Variants in GRIA3 observed in about 807,000 individuals in gnomAD.
GRIA3 encodes glutamate ionotropic receptor AMPA type subunit 3, also known as glutamate receptor 3.
In GRIA3, 3 loss-of-function variants were observed where a neutral mutation model predicts 63.0. The observed-to-expected ratio is 0.05, with a 90% CI of 0.02 to 0.12. The LOEUF is 0.12. GRIA3 is among the 10% of genes least tolerant of loss of function. GRIA3 has a pLI of 1.00. For missense variants in GRIA3, 347 were observed against 700.9 expected (o/e 0.50, Z 5.70); for synonymous variants, 274 against 257.9 (o/e 1.06, Z -0.60).
rs766480191 is a variant in GRIA3 at position 123,444,412 on chromosome X, AGCACAACCCTAAT to A, written c.2076+16281_2076+16293del. Among the ~76,000 whole-genome samples the A allele has an allele frequency of 2.7e-3, 302 of 112,430 alleles. 2 individuals carry two copies. Among genetic ancestry groups the A allele is most frequent in the African/African-American group, 9.4e-3 (292 of 30,984 alleles). On this transcript the variant is annotated intron_variant, in intron 12 of 15. Coordinates refer to ENST00000620443, the MANE Select transcript of GRIA3 (RefSeq NM_007325.5). ...AGGAAATTCCTGCCCTGTAGCCAGAAGCACAACCCTAATGCACAACTCCTTATTCCTTACTCCC... is the reference window on the plus strand; with the variant it reads ...AGGAAATTCCTGCCCTGTAGCCAGAAGCACAACTCCTTATTCCTTACTCCC...
chrX:123,480,284 A>G, intron 14 of GRIA3, 107 bp downstream of exon 14: 2 of 531,031 alleles, frequency 3.8e-6, no homozygotes, highest in Non-Finnish European at 6.8e-6. Flanking sequence ...TCCCTGACAC[A>G]GTGGGACCCC....
At chrX:123,464,784 T>TAAA in intron 12 of GRIA3, 81 bp from the exon 13 acceptor site, 9 of 761,636 alleles carry the variant, frequency 1.2e-5, no homozygotes, top group South Asian at 5.2e-5. Context: ...GGATTGCAAT[T>TAAA]AAAAAAAAAA....
At chrX:123,448,600 T>G (rs1032944942) in intron 12 of GRIA3, among the ~76,000 whole-genome samples, 12 of 112,319 alleles carry the variant, frequency 1.1e-4, no homozygotes, top group Non-Finnish European at 2.3e-4. Context: ...GTGTAACTAT[T>G]TAAATTGAAA....
chrX:123,448,108 T>C (rs1331740111), intron 12 of GRIA3, among the ~76,000 whole-genome samples: 1 of 112,473 alleles, frequency 8.9e-6, no homozygotes, highest in Non-Finnish European at 1.9e-5. Context: ...ATCTGCTCTT[T>C]TTGAAATAAA....
chrX:123,298,871 T>C (rs1307351726), intron 3 of GRIA3, among the ~76,000 whole-genome samples: 3 of 111,522 alleles, frequency 2.7e-5, no homozygotes, highest in Admixed American at 9.6e-5. Context: ...TTGGGTTTTA[T>C]ATTTAAGTCT....
chrX:123,441,052 A>C (rs2045671343), intron 12 of GRIA3, among the ~76,000 whole-genome samples: 1 of 112,215 alleles, frequency 8.9e-6, no homozygotes, highest in African/African-American at 3.2e-5. Flanking sequence ...CAGTATGCAG[A>C]AAATAAAGAA....
intron 2 of GRIA3, among the ~76,000 whole-genome samples, chrX:123,242,905 A>T (rs1200344079): frequency 2.7e-5 from 3 of 112,518 alleles, no homozygotes; most frequent in African/African-American, 9.7e-5. Context: ...TAATATAAAT[A>T]ACATATATCA....
intron 5 of GRIA3, among the ~76,000 whole-genome samples, chrX:123,388,878 T>A (rs187907968): frequency 2.9e-4 from 33 of 112,075 alleles, no homozygotes; most frequent in Non-Finnish European, 5.6e-5. Context: ...CCTCTTAACA[T>A]TGCTTTTTCT....
At chrX:123,226,918 C>A (rs1481541970) in intron 2 of GRIA3, among the ~76,000 whole-genome samples, 1 of 71,329 alleles carries the variant, frequency 1.4e-5, no homozygotes, top group Non-Finnish European at 3.0e-5. Context: ...CTCTCCCTGA[C>A]CCCCTCCAAT....
intron 11 of GRIA3, among the ~76,000 whole-genome samples, chrX:123,420,848 C>T (rs188686220): frequency 0.017 from 1,875 of 110,968 alleles, 24 homozygotes; most frequent in Non-Finnish European, 0.029. Context: ...ATATCAAATG[C>T]TTTTTTTCAA....
chrX:123,224,562 T>C (rs1295682494), intron 2 of GRIA3, among the ~76,000 whole-genome samples: 1 of 111,579 alleles, frequency 9.0e-6, no homozygotes, highest in Non-Finnish European at 1.9e-5. Flanking sequence ...ATTTCCACTC[T>C]GTTTAAAAAC....
chrX:123,463,611 G>GAAGGAAAGAAA (rs2045809361), intron 12 of GRIA3, among the ~76,000 whole-genome samples: 1 of 12,137 alleles, frequency 8.2e-5, no homozygotes, highest in Non-Finnish European at 1.3e-4. Context: ...AGGGAGGGAG[G>GAAGGAAAGAAA]GAAAGAAAGA....
chrX:123,360,819 C>T (rs978891081), intron 5 of GRIA3, among the ~76,000 whole-genome samples: 90 of 98,675 alleles, frequency 9.1e-4, no homozygotes, highest in Non-Finnish European at 1.5e-3. Flanking sequence ...GCTGTCTAAC[C>T]ATTTTCCTTC....
intron 5 of GRIA3, among the ~76,000 whole-genome samples, chrX:123,378,664 G>T (rs1209326053): frequency 9.0e-6 from 1 of 110,776 alleles, no homozygotes; most frequent in Non-Finnish European, 1.9e-5. Context: ...GCCCACCTCC[G>T]CCTCCCAAAG....
At chrX:123,228,651 G>C (rs934595015) in intron 2 of GRIA3, among the ~76,000 whole-genome samples, 22 of 111,677 alleles carry the variant, frequency 2.0e-4, no homozygotes, top group African/African-American at 3.3e-5. Context: ...TTCAAAAGCA[G>C]ATGTCTAAAT....
chrX:123,195,817 A>G (rs1927561417), intron 2 of GRIA3, among the ~76,000 whole-genome samples: 1 of 111,531 alleles, frequency 9.0e-6, no homozygotes, highest in Non-Finnish European at 1.9e-5. Context: ...TAAAAACTCT[A>G]TTTTGACTTT....
chrX:123,314,631 T>C (rs1451391610), intron 3 of GRIA3, among the ~76,000 whole-genome samples: 1 of 112,077 alleles, frequency 8.9e-6, no homozygotes, highest in African/African-American at 3.2e-5. Flanking sequence ...CTGACATATC[T>C]ATTTGGGCAT....
chrX:123,218,885 G>A (rs1188571027), intron 2 of GRIA3, among the ~76,000 whole-genome samples: 1 of 112,063 alleles, frequency 8.9e-6, no homozygotes, highest in African/African-American at 3.3e-5. Flanking sequence ...TGACAGCTGG[G>A]GGCTAATGAG....
intron 12 of GRIA3, among the ~76,000 whole-genome samples, chrX:123,463,433 C>T (rs1569440704): frequency 9.5e-6 from 1 of 104,990 alleles, no homozygotes; most frequent in South Asian, 4.5e-4. Flanking sequence ...ACTTGTAGTC[C>T]CAGGTATTCA....
Sources: gnomAD v4.1 joint callset for allele counts (sites outside exome capture counted in the v4.1 genomes callset) on GRCh38, gnomAD v4.1.1 for gene constraint, MANE v1.5 for transcripts, NCBI Gene and HGNC (gene_info 2026-07-23, HGNC 2026-07-21) for gene names.